EPHA3: variants seen among roughly 807,000 people sequenced by gnomAD.
EPHA3 encodes the protein EPH receptor A3, also known as ephrin type-A receptor 3.
In EPHA3, 42 loss-of-function variants were observed where a neutral mutation model predicts 107.1. The observed-to-expected ratio is 0.39, with a 90% CI of 0.31 to 0.51. The LOEUF is 0.51. EPHA3 is among the 20% of genes least tolerant of loss of function. The pLI is 0.78. For synonymous variants in EPHA3, 461 were observed against 424.8 expected, an observed-to-expected ratio of 1.09 and a Z score of -1.05; for missense variants, 1,183 against 1,211.2, an observed-to-expected ratio of 0.98 and a Z score of 0.35.
At chr3:89,295,138 T>C (rs1706314880) in intron 3 of EPHA3, among the ~76,000 whole-genome samples, 1 of 148,422 alleles carries the variant, frequency 6.7e-6, no homozygotes, top group Admixed American at 6.7e-5. Flanking sequence ...ATAAAATGAG[T>C]CACACAAATG....
At chr3:89,210,678 A>G (rs767599142) in intron 3 of EPHA3, among the ~76,000 whole-genome samples, 158 bp downstream of exon 3, 3 of 152,094 alleles carry the variant, frequency 2.0e-5, no homozygotes, top group Non-Finnish European at 4.4e-5. Context: ...ATTCCATTTG[A>G]TGTGGTAATT....
At chr3:89,202,534 A>AAATAT (rs1553663622) in intron 2 of EPHA3, among the ~76,000 whole-genome samples, 4 of 37,692 alleles carry the variant, frequency 1.1e-4, no homozygotes, top group African/African-American at 2.2e-4. Flanking sequence ...AAAAAAAAAA[A>AAATAT]ATATATATAT....
chr3:89,271,484 T>C (rs1292269581), intron 3 of EPHA3, among the ~76,000 whole-genome samples: 1 of 151,962 alleles, frequency 6.6e-6, no homozygotes, highest in East Asian at 1.9e-4. Flanking sequence ...CAACTTGGCT[T>C]TCTCTCACCT....
At chr3:89,447,507 C>T (rs2107551473) in intron 13 of EPHA3, among the ~76,000 whole-genome samples, 1 of 152,230 alleles carries the variant, frequency 6.6e-6, no homozygotes, top group Admixed American at 6.5e-5. Context: ...GAGTTAGTTC[C>T]AATCTTATCA....
chr3:89,129,957 C>T (rs1282653165), intron 2 of EPHA3, among the ~76,000 whole-genome samples: 1 of 152,026 alleles, frequency 6.6e-6, no homozygotes, highest in African/African-American at 2.4e-5. Context: ...TGACTGTAAA[C>T]TTAAGAGGAA....
chr3:89,351,494 C>T (rs1379175185), intron 5 of EPHA3, among the ~76,000 whole-genome samples: 45 of 150,124 alleles, frequency 3.0e-4, no homozygotes, highest in African/African-American at 1.0e-3. Context: ...GTGCGCGCAC[C>T]CACTGGCCTG....
chr3:89,314,881 T>C (rs2107367600), intron 3 of EPHA3, among the ~76,000 whole-genome samples: 1 of 152,072 alleles, frequency 6.6e-6, no homozygotes, highest in South Asian at 2.1e-4. Flanking sequence ...GGTGATTTTG[T>C]CGTTGTGCAA....
At chr3:89,457,271 C>G (rs1325176385) in intron 15 of EPHA3, among the ~76,000 whole-genome samples, 1 of 152,168 alleles carries the variant, frequency 6.6e-6, no homozygotes, top group South Asian at 2.1e-4. Context: ...GGGGAAAAAG[C>G]CTGATAGATC....
intron 3 of EPHA3, among the ~76,000 whole-genome samples, chr3:89,271,008 A>T (rs1214909451): frequency 6.6e-6 from 1 of 152,012 alleles, no homozygotes; most frequent in African/African-American, 2.4e-5. Flanking sequence ...TTCTTTAATC[A>T]AGTTAAAAAA....
chr3:89,342,521 T>C (rs1456164610), intron 5 of EPHA3, among the ~76,000 whole-genome samples: 1 of 152,232 alleles, frequency 6.6e-6, no homozygotes, highest in Non-Finnish European at 1.5e-5. Context: ...AAGTTCTGTG[T>C]ATTATAACTG....
chr3:89,185,065 G>C (rs1576212535), intron 2 of EPHA3, among the ~76,000 whole-genome samples: 1 of 152,046 alleles, frequency 6.6e-6, no homozygotes, highest in East Asian at 1.9e-4. Flanking sequence ...CTGCATGTGT[G>C]GGCTGTGAAG....
intron 3 of EPHA3, among the ~76,000 whole-genome samples, chr3:89,258,359 AG>A (rs1705335067): frequency 6.6e-6 from 1 of 152,184 alleles, no homozygotes; most frequent in Non-Finnish European, 1.5e-5. Flanking sequence ...AGACAATGAG[AG>A]AAATTTGTGG....
At chr3:89,128,251 A>G (rs542959220) in intron 2 of EPHA3, among the ~76,000 whole-genome samples, 14 of 152,230 alleles carry the variant, frequency 9.2e-5, no homozygotes, top group African/African-American at 2.6e-4. Context: ...TCCATCAGAG[A>G]TACTTCATCT....
chr3:89,171,092 T>G (rs1263032492), intron 2 of EPHA3, among the ~76,000 whole-genome samples: 2 of 152,154 alleles, frequency 1.3e-5, no homozygotes, highest in Non-Finnish European at 2.9e-5. Context: ...AGCCTTGATA[T>G]TACATGAAGA....
intron 2 of EPHA3, among the ~76,000 whole-genome samples, chr3:89,183,297 C>T (rs1374873929): frequency 1.3e-5 from 2 of 151,872 alleles, no homozygotes; most frequent in Non-Finnish European, 2.9e-5. Context: ...TAATCTCTTC[C>T]CACTGTCTCA....
chr3:89,135,991 C>T (rs527567018), intron 2 of EPHA3, among the ~76,000 whole-genome samples: 11 of 152,176 alleles, frequency 7.2e-5, no homozygotes, highest in African/African-American at 2.4e-4. Flanking sequence ...AGAATTATTG[C>T]TATTTGGGAA....
chr3:89,227,446 G>T (rs1704527778), intron 3 of EPHA3, among the ~76,000 whole-genome samples: 1 of 151,976 alleles, frequency 6.6e-6, no homozygotes, highest in Admixed American at 6.6e-5. Context: ...TGCATTTCCT[G>T]TGTATTTCTT....
intron 3 of EPHA3, among the ~76,000 whole-genome samples, chr3:89,237,261 G>C (rs1007330443): frequency 3.9e-5 from 6 of 152,154 alleles, no homozygotes; most frequent in African/African-American, 1.2e-4. Flanking sequence ...AATCCCAGGT[G>C]CTCAGGAGGC....
intron 3 of EPHA3, among the ~76,000 whole-genome samples, chr3:89,304,815 C>T (rs1335130986): frequency 2.0e-5 from 3 of 152,142 alleles, no homozygotes; most frequent in Non-Finnish European, 4.4e-5. Flanking sequence ...ACAACATAAA[C>T]TCCAAAAGGG....
Sources: allele counts gnomAD v4.1 joint callset (sites outside exome capture counted in the v4.1 genomes callset), GRCh38; gene constraint gnomAD v4.1.1; transcripts MANE v1.5; gene names NCBI Gene and HGNC (gene_info 2026-07-23, HGNC 2026-07-21).